The following RIT2 variants were observed in gnomAD, a reference collection of about 807,000 sequenced individuals.
RIT2 encodes the protein GTP-binding protein Rit2.
A neutral mutation model predicts 23.7 loss-of-function variants in RIT2; 24 were observed. The observed-to-expected ratio is 1.01, with a 90% CI of 0.73 to 1.43. The LOEUF (loss-of-function observed/expected upper bound fraction) is 1.43, where lower values mean the gene tolerates loss of function less well. Ranked by LOEUF, RIT2 falls within the 40% of genes most tolerant of loss-of-function variation. The pLI is 0.00. For missense variants in RIT2, 236 were observed against 266.9 expected (o/e 0.88, Z 0.81); for synonymous variants, 107 against 91.1 (o/e 1.17, Z -0.99).
At chr18:42,947,015 C>T (rs1909744040) in intron 3 of RIT2, among the ~76,000 whole-genome samples, 1 of 152,094 alleles carries the variant, frequency 6.6e-6, no homozygotes, top group African/African-American at 2.4e-5. Context: ...TGCTATCTCT[C>T]TTTTCTTTTT....
At chr18:42,803,396 G>A (rs1219698818) in intron 4 of RIT2, among the ~76,000 whole-genome samples, 2 of 152,100 alleles carry the variant, frequency 1.3e-5, no homozygotes, top group East Asian at 1.9e-4. Flanking sequence ...TATCTGACCC[G>A]GTTTGATTTG....
intron 4 of RIT2, among the ~76,000 whole-genome samples, chr18:42,877,200 T>C (rs994563161): frequency 2.6e-5 from 4 of 151,836 alleles, no homozygotes; most frequent in Non-Finnish European, 1.5e-5. Context: ...GTAGAAGACA[T>C]ATGGTTAGGG....
chr18:42,782,720 T>C (rs1210654648), intron 4 of RIT2, among the ~76,000 whole-genome samples: 1 of 152,152 alleles, frequency 6.6e-6, no homozygotes, highest in Non-Finnish European at 1.5e-5. Flanking sequence ...GCAGATATGC[T>C]TTAGTAATTA....
intron 1 of RIT2, among the ~76,000 whole-genome samples, chr18:43,058,980 C>T (rs538144894): frequency 5.3e-5 from 8 of 149,918 alleles, no homozygotes; most frequent in Middle Eastern, 3.5e-3. Flanking sequence ...TCAGGACCCT[C>T]TTGCTTCCAA....
chr18:42,846,844 A>G (rs1906922827), intron 4 of RIT2, among the ~76,000 whole-genome samples: 3 of 152,134 alleles, frequency 2.0e-5, no homozygotes, highest in Non-Finnish European at 4.4e-5. Context: ...TAATGTTAAA[A>G]CTTTATTTTT....
intron 4 of RIT2, among the ~76,000 whole-genome samples, chr18:42,849,078 CA>C (rs1160973212): frequency 6.6e-6 from 1 of 152,136 alleles, no homozygotes; most frequent in East Asian, 1.9e-4. Flanking sequence ...GATGAGGAAA[CA>C]GACCTAGTGA....
intron 2 of RIT2, among the ~76,000 whole-genome samples, chr18:42,982,599 C>T (rs532430324): frequency 6.6e-6 from 1 of 152,030 alleles, no homozygotes; most frequent in South Asian, 2.1e-4. Context: ...ATACAGTTAT[C>T]CCATTATTGT....
chr18:42,852,136 T>G (rs559453831), intron 4 of RIT2, among the ~76,000 whole-genome samples: 1 of 152,214 alleles, frequency 6.6e-6, no homozygotes, highest in Non-Finnish European at 1.5e-5. Flanking sequence ...ATTAAGCCAT[T>G]AAGTCCTGAA....
At chr18:43,055,331 A>G (rs1289532777) in intron 1 of RIT2, among the ~76,000 whole-genome samples, 2 of 152,068 alleles carry the variant, frequency 1.3e-5, no homozygotes, top group Non-Finnish European at 2.9e-5. Flanking sequence ...AGCTTGATGG[A>G]TGTCTGGTGA....
rs562819997 is a variant in RIT2, at chr18:42,910,625, A to T, written c.426+12947T>A. On this transcript the variant is annotated intron_variant, in intron 4 of 4. Transcript: ENST00000326695. ...AGAGCTGCAGAGTGGTGAGGTAGAG[A>T]AGAAGAGAAGAAGCACCTGAATGTT... Among the ~76,000 whole-genome samples, 64 of 152,234 alleles carry T rather than the reference A, an allele frequency of 4.2e-4. No individual in the cohort carries two copies. The South Asian group carries it at 0.013, about 32-fold the overall frequency.
intron 1 of RIT2, among the ~76,000 whole-genome samples, chr18:43,105,502 G>GAGGAAGGGAGGAAGAGAGGA (rs1336223919): frequency 1.7e-5 from 1 of 57,496 alleles, no homozygotes; most frequent in Non-Finnish European, 3.7e-5. Context: ...GGAAGAAAGG[G>GAGGAAGGGAGGAAGAGAGGA]AGGGAGGGAG....
intron 4 of RIT2, among the ~76,000 whole-genome samples, chr18:42,851,304 CAAT>C (rs1457586153): frequency 1.3e-5 from 2 of 152,106 alleles, no homozygotes; most frequent in Non-Finnish European, 2.9e-5. Flanking sequence ...CTAATTTTGA[CAAT>C]AAGCCAGTTG....
chr18:42,981,472 G>A (rs990439098), intron 2 of RIT2, among the ~76,000 whole-genome samples: 3 of 151,998 alleles, frequency 2.0e-5, no homozygotes, highest in South Asian at 4.1e-4. Context: ...AATATCTAGC[G>A]ACAAAGGTCT....
intron 4 of RIT2, among the ~76,000 whole-genome samples, chr18:42,764,737 A>C (rs972141968): frequency 6.6e-6 from 1 of 152,240 alleles, no homozygotes; most frequent in Non-Finnish European, 1.5e-5. Context: ...TGGATTCACA[A>C]AGTCACAGCA....
At chr18:42,816,819 G>A (rs1455511631) in intron 4 of RIT2, among the ~76,000 whole-genome samples, 1 of 152,124 alleles carries the variant, frequency 6.6e-6, no homozygotes, top group Admixed American at 6.6e-5. Flanking sequence ...GCTAGGAGGA[G>A]AGGGAGAGGA....
intron 4 of RIT2, among the ~76,000 whole-genome samples, chr18:42,796,399 C>T (rs1905361847): frequency 6.6e-6 from 1 of 152,198 alleles, no homozygotes; most frequent in African/African-American, 2.4e-5. Flanking sequence ...ACCTTAAGAG[C>T]TGTAACACTC....
At chr18:42,819,534 G>T (rs902393983) in intron 4 of RIT2, among the ~76,000 whole-genome samples, 1 of 151,808 alleles carries the variant, frequency 6.6e-6, no homozygotes, top group Non-Finnish European at 1.5e-5. Flanking sequence ...GGGTTTTATT[G>T]TATGTTTTTA....
chr18:42,789,776 AT>A (rs1283710706), intron 4 of RIT2, among the ~76,000 whole-genome samples: 3 of 152,176 alleles, frequency 2.0e-5, no homozygotes, highest in Non-Finnish European at 4.4e-5. Context: ...AGCAGAGATA[AT>A]TTGACTTCCT....
At chr18:42,814,379 G>T (rs1905936257) in intron 4 of RIT2, among the ~76,000 whole-genome samples, 1 of 152,118 alleles carries the variant, frequency 6.6e-6, no homozygotes, top group Non-Finnish European at 1.5e-5. Context: ...TATTGGTGGG[G>T]GCACAGTGGA....
Sources: gnomAD v4.1 joint callset for allele counts (sites outside exome capture counted in the v4.1 genomes callset) on GRCh38, gnomAD v4.1.1 for gene constraint, MANE v1.5 for transcripts, NCBI Gene and HGNC (gene_info 2026-07-23, HGNC 2026-07-21) for gene names.